The following VPS13B variants were observed in gnomAD, a reference collection of about 807,000 sequenced individuals.
The protein encoded by VPS13B is intermembrane lipid transfer protein VPS13B.
Under a neutral mutation model 426.4 loss-of-function variants are expected in VPS13B, and 285 were observed. That is an observed-to-expected ratio of 0.67 (90% CI 0.61 to 0.74). VPS13B has a LOEUF of 0.74. Ranked by LOEUF, VPS13B falls within the 30% of genes least tolerant of loss-of-function variation. The probability of loss-of-function intolerance (pLI) is 0.00; values close to 1 mark genes in which losing one functional copy is unlikely to be tolerated. For missense variants in VPS13B, 4,537 were observed against 4,782.6 expected, an observed-to-expected ratio of 0.95 and a Z score of 1.51; for synonymous variants, 1,676 against 1,676.4, an observed-to-expected ratio of 1.00 and a Z score of 0.01.
intron 22 of VPS13B, among the ~76,000 whole-genome samples, chr8:99,435,088 A>G (rs1206014068): frequency 6.6e-6 from 1 of 152,222 alleles, no homozygotes; most frequent in African/African-American, 2.4e-5. Context: ...TGGGAATGTC[A>G]AGAGGAATGT....
At chr8:99,731,367 A>G (rs188714851) in intron 39 of VPS13B, among the ~76,000 whole-genome samples, 63 of 152,308 alleles carry the variant, frequency 4.1e-4, no homozygotes, top group African/African-American at 1.4e-3. Context: ...GCTAAGGTAA[A>G]TGAGGTTCTG....
chr8:99,697,868 A>AACATCAATGACC lies in VPS13B; in HGVS notation c.6047-1656_6047-1645dup, dbSNP rs1261650977. ...GGATGAAGACAAGAATGGCAAGGTC[A>AACATCAATGACC]ACATCAATGACCTCATCAATGTGAT... On this transcript the variant is annotated intron_variant, in intron 35 of 61. Transcript: ENST00000357162. 1.1e-5 allele frequency: 6 copies of AACATCAATGACC among 541,908 alleles called. No homozygotes were observed. The African/African-American group carries it at 1.1e-4, about 10-fold the overall frequency. The allele number at this position is 541,908 out of a possible 1,614,324, so 33.6% of individuals were successfully genotyped here.
chr8:99,024,980 A>AT (rs902259441), intron 2 of VPS13B, among the ~76,000 whole-genome samples: 77 of 150,606 alleles, frequency 5.1e-4, no homozygotes, highest in African/African-American at 1.4e-3. Flanking sequence ...GTGTCCTGTC[A>AT]TTTTTTTTTG....
chr8:99,102,977 G>A lies in VPS13B; in HGVS notation c.437G>A (p.Arg146Gln), dbSNP rs1230213879. The A allele has an allele frequency of 1.2e-6, 2 of 1,609,784 alleles. No homozygotes were observed. Among genetic ancestry groups the A allele is most frequent in the East Asian group, 2.2e-5 (1 of 44,770 alleles). ...PPGYVQSLIR[R>Q]VVNNVNIVIN... ...GGTTATGTGCAGAGTCTGATTAGAC[G>A]AGTTGTAAATAATGTAAACATTGTG... Residue 146 changes from arginine (R) to glutamine (Q), a missense_variant, in exon 5 of 62, where the codon CGA becomes CAA. Transcript: ENST00000357162.
In VPS13B at chr8:99,170,177, G is replaced by A. The variant is rs750200759; in HGVS notation, c.2333+14G>A. 6.2e-7 allele frequency: 1 copy of A among 1,611,376 alleles called. No homozygotes were observed. The highest frequency in any genetic ancestry group is 1.7e-5 in the Admixed American group (1 of 59,864). On this transcript the variant is annotated intron_variant, in intron 16 of 61. Transcript: ENST00000357162. ...CCCCACATGCTGGTAAGTCTTACATGTTAAAATGTGATTTATGTTAATTTC... is the reference window on the plus strand; with the variant it reads ...CCCCACATGCTGGTAAGTCTTACATATTAAAATGTGATTTATGTTAATTTC...
At chr8:99,524,840 C>T (rs1822565425) in intron 30 of VPS13B, among the ~76,000 whole-genome samples, 1 of 152,130 alleles carries the variant, frequency 6.6e-6, no homozygotes, top group African/African-American at 2.4e-5. Flanking sequence ...TGTCTGGCAG[C>T]AGACTTTTCA....
At chr8:99,245,163 T>TG in intron 17 of VPS13B, among the ~76,000 whole-genome samples, 1 of 152,244 alleles carries the variant, frequency 6.6e-6, no homozygotes, top group Non-Finnish European at 1.5e-5. Context: ...TGGATTTAAG[T>TG]TCCAGTTTGA....
intron 30 of VPS13B, among the ~76,000 whole-genome samples, chr8:99,521,317 G>A (rs1371349067): frequency 6.6e-6 from 1 of 152,136 alleles, no homozygotes; most frequent in Admixed American, 6.6e-5. Context: ...ATAAGAAAAC[G>A]AGGTCCTCTG....
At chr8:99,319,178 A>G (rs961345853) in intron 19 of VPS13B, among the ~76,000 whole-genome samples, 2 of 152,168 alleles carry the variant, frequency 1.3e-5, no homozygotes, top group African/African-American at 4.8e-5. Flanking sequence ...TTCAGGTAAG[A>G]TACTCAGCCT....
intron 48 of VPS13B, 110 bp from the exon 49 acceptor site, chr8:99,819,811 T>G: frequency 7.2e-7 from 1 of 1,381,310 alleles, no homozygotes; most frequent in South Asian, 1.2e-5. Flanking sequence ...GATTCTGGTA[T>G]GAGGAGGTAT....
chr8:99,764,299 T>C (rs918631699), intron 39 of VPS13B, among the ~76,000 whole-genome samples: 6 of 152,028 alleles, frequency 3.9e-5, no homozygotes, highest in Admixed American at 2.0e-4. Context: ...GGGAAACACA[T>C]CTGAGCCACT....
At chr8:99,502,243 C>T (rs1045792047) in intron 26 of VPS13B, among the ~76,000 whole-genome samples, 2 of 152,132 alleles carry the variant, frequency 1.3e-5, no homozygotes, top group African/African-American at 4.8e-5. Flanking sequence ...GTTGGCCGCC[C>T]AAAGTGTTGG....
chr8:99,295,748 G>T (rs552992265), intron 19 of VPS13B, among the ~76,000 whole-genome samples: 1 of 152,124 alleles, frequency 6.6e-6, no homozygotes, highest in African/African-American at 2.4e-5. Flanking sequence ...GAAGTAGAAG[G>T]CCAGGCGCAA....
At chr8:99,213,262 C>T (rs1815200701) in intron 17 of VPS13B, among the ~76,000 whole-genome samples, 1 of 151,934 alleles carries the variant, frequency 6.6e-6, no homozygotes, top group South Asian at 2.1e-4. Flanking sequence ...TAAGAAGTTT[C>T]CATTTGTTAT....
At chr8:99,511,636 AT>A in intron 29 of VPS13B, 124 bp downstream of exon 29, 1 of 960,026 alleles carries the variant, frequency 1.0e-6, no homozygotes, top group Non-Finnish European at 1.5e-6. Context: ...GGTTTGGTAT[AT>A]TTTATAGAGA....
chr8:99,837,578 A>G (rs999060674), intron 54 of VPS13B, among the ~76,000 whole-genome samples: 4 of 152,156 alleles, frequency 2.6e-5, no homozygotes, highest in South Asian at 2.1e-4. Context: ...CTTCAAAGCT[A>G]AGAGGAGGTG....
intron 39 of VPS13B, among the ~76,000 whole-genome samples, chr8:99,738,530 A>C (rs1833935718): frequency 6.6e-6 from 1 of 152,234 alleles, no homozygotes; most frequent in African/African-American, 2.4e-5. Flanking sequence ...CCTTGATGTA[A>C]GCTACTTTTA....
chr8:99,209,895 G>A, intron 17 of VPS13B: 1 of 315,188 alleles, frequency 3.2e-6, no homozygotes. Flanking sequence ...GTTAATATTT[G>A]GTTCGTACTC....
intron 23 of VPS13B, among the ~76,000 whole-genome samples, chr8:99,449,474 A>G (rs1433829633): frequency 6.6e-6 from 1 of 152,216 alleles, no homozygotes; most frequent in African/African-American, 2.4e-5. Context: ...AAATGACCAC[A>G]GGGAAAACAT....
Sources: allele counts gnomAD v4.1 joint callset (sites outside exome capture counted in the v4.1 genomes callset), GRCh38; gene constraint gnomAD v4.1.1; transcripts MANE v1.5; gene names NCBI Gene and HGNC (gene_info 2026-07-23, HGNC 2026-07-21).